Variants in DNAH5 observed in about 807,000 individuals in gnomAD.
The protein encoded by DNAH5 is axonemal beta dynein heavy chain 5.
Under a neutral mutation model 518.2 loss-of-function variants are expected in DNAH5, and 372 were observed. That is an observed-to-expected ratio of 0.72 (90% CI 0.66 to 0.78). The LOEUF (loss-of-function observed/expected upper bound fraction) is 0.78, where lower values mean the gene tolerates loss of function less well. DNAH5 is among the 30% of genes least tolerant of loss of function. The pLI is 0.00. For missense variants in DNAH5, 5,523 were observed against 5,687.0 expected (o/e 0.97, Z 0.93); for synonymous variants, 2,039 against 2,025.9 (o/e 1.01, Z -0.17).
At chr5:13,902,343 G>A (rs1328460458) in intron 12 of DNAH5, among the ~76,000 whole-genome samples, 1 of 152,202 alleles carries the variant, frequency 6.6e-6, no homozygotes, top group African/African-American at 2.4e-5. Context: ...ATGGGAGTTG[G>A]CGCCACGTCA....
rs369225476 is a variant in DNAH5, at chr5:13,807,678, A to C, written c.7800T>G (p.Ile2600Met). Residue 2600 changes from isoleucine to methionine, a missense_variant, in exon 47 of 79, where the codon ATT becomes ATG. This residue lies in a region of DNAH5 where 5,121 missense variants were observed against 5,223.3 expected (regional missense o/e 0.98). Coordinates refer to ENST00000265104, the MANE Select transcript of DNAH5 (RefSeq NM_001369.3). ...GATCATATTTTGACATAAATCCTTT[A>C]ATTATTACTGTTTTGGCTGTTCCTT... Reference protein sequence around the residue: ...GEQGTAKTVIIKGFMSKYDPE... With the variant: ...GEQGTAKTVIMKGFMSKYDPE... 4.8e-5 allele frequency: 78 copies of C among 1,610,410 alleles called. No homozygotes were observed. Among genetic ancestry groups the C allele is most frequent in the Non-Finnish European group, 6.4e-5 (75 of 1,177,640 alleles).
At chr5:13,874,280 G>A (rs1224539233) in intron 22 of DNAH5, among the ~76,000 whole-genome samples, 1 of 152,156 alleles carries the variant, frequency 6.6e-6, no homozygotes, top group Non-Finnish European at 1.5e-5. Flanking sequence ...AGAAGTTCCA[G>A]AATCCAGAGC....
At chr5:13,710,983 T>G (rs781689105) in intron 75 of DNAH5, among the ~76,000 whole-genome samples, 6 of 152,140 alleles carry the variant, frequency 3.9e-5, no homozygotes, top group Admixed American at 2.6e-4. Flanking sequence ...TTCTACAAGA[T>G]AGAGAAAGAA....
At chr5:13,812,524 T>C (rs1049608448) in intron 43 of DNAH5, among the ~76,000 whole-genome samples, 2 of 152,152 alleles carry the variant, frequency 1.3e-5, no homozygotes, top group Admixed American at 1.3e-4. Flanking sequence ...CAGGCTAGTC[T>C]CAAACTCCTT....
chr5:13,943,800 C>G (rs1779678352), intron 1 of DNAH5, among the ~76,000 whole-genome samples: 1 of 152,216 alleles, frequency 6.6e-6, no homozygotes, highest in Non-Finnish European at 1.5e-5. Flanking sequence ...CTAGAGAAAC[C>G]TCCAATTTCT....
Position 13,957,892 on chromosome 5 carries a change from A to T in DNAH5, c.13-26648T>A, listed in dbSNP as rs1780872496. On this transcript the variant is annotated intron_variant, in intron 1 of 78. Transcript: ENST00000681290. The stretch of plus-strand genomic sequence containing the variant: ...AAATCACCATAATATGAACACTATT[A>T]ACATATATTCTTCTACTCCATGAGC... 7.2e-5 allele frequency among the ~76,000 whole-genome samples: 11 copies of T among 151,786 alleles called. No individual in the cohort carries two copies. In the South Asian group the frequency reaches 2.1e-3, roughly 29 times the overall value.
chr5:13,699,640 G>A (rs551139135), intron 78 of DNAH5, among the ~76,000 whole-genome samples: 1 of 152,178 alleles, frequency 6.6e-6, no homozygotes, highest in Non-Finnish European at 1.5e-5. Context: ...CTTGAACTCA[G>A]GAGTTGGAGG....
intron 65 of DNAH5, among the ~76,000 whole-genome samples, chr5:13,743,141 C>T (rs1336408741): frequency 6.6e-6 from 1 of 151,948 alleles, no homozygotes; most frequent in Non-Finnish European, 1.5e-5. Context: ...CCATAAGTCT[C>T]CTTCCCACCA....
Position 13,911,491 on chromosome 5 carries a change from G to C in DNAH5, c.1539C>G (p.Gly513=). 1 of 1,609,126 alleles carries C rather than the reference G, an allele frequency of 6.2e-7. No individual in the cohort carries two copies. Among genetic ancestry groups the C allele is most frequent in the Non-Finnish European group, 8.5e-7 (1 of 1,175,994 alleles). The part of the protein sequence containing the change: ...GLEDMATKYQ[G]IVATIKKKEY... ...CCTTTTTCTTTATGGTTGCCACAAT[G>C]CCCTGAAATATTATGAGATAAATTA... is the stretch of plus-strand genomic sequence containing the variant. The change falls in exon 12 of 79, where the codon GGC becomes GGG. Residue 513 remains glycine, a splice_region_variant and synonymous_variant. Transcript: ENST00000265104.
intron 38 of DNAH5, among the ~76,000 whole-genome samples, chr5:13,829,225 T>G (rs1763310995): frequency 6.6e-6 from 1 of 152,196 alleles, no homozygotes; most frequent in South Asian, 2.1e-4. Context: ...ACAATGAATC[T>G]ATAAGTGGTA....
chr5:13,743,526 G>A (rs575965449), intron 65 of DNAH5, among the ~76,000 whole-genome samples: 1 of 152,034 alleles, frequency 6.6e-6, no homozygotes, highest in African/African-American at 2.4e-5. Flanking sequence ...TCAACAGAGT[G>A]AAAAGATAAC....
intron 47 of DNAH5, among the ~76,000 whole-genome samples, chr5:13,802,780 C>T (rs1224034638): frequency 1.3e-5 from 2 of 152,306 alleles, no homozygotes. Flanking sequence ...CATAACAGCT[C>T]TGACTAGGCT....
intron 51 of DNAH5, among the ~76,000 whole-genome samples, 175 bp from the exon 52 acceptor site, chr5:13,786,526 T>C (rs887751539): frequency 6.6e-6 from 1 of 152,230 alleles, no homozygotes; most frequent in African/African-American, 2.4e-5. Context: ...GTTAGGATTT[T>C]TGTGATCATA....
intron 52 of DNAH5, among the ~76,000 whole-genome samples, chr5:13,783,181 A>G (rs1365821770): frequency 6.6e-6 from 1 of 152,220 alleles, no homozygotes; most frequent in East Asian, 1.9e-4. Context: ...ACCTTTAAAG[A>G]AGGAGTGAGA....
intron 68 of DNAH5, among the ~76,000 whole-genome samples, chr5:13,730,220 G>A (rs1263218425): frequency 2.0e-5 from 3 of 152,144 alleles, no homozygotes; most frequent in Admixed American, 6.5e-5. Context: ...CAAAGCTCAT[G>A]TAACCCACGT....
chr5:13,845,293 A>G (rs1765827198), intron 31 of DNAH5, among the ~76,000 whole-genome samples: 1 of 151,686 alleles, frequency 6.6e-6, no homozygotes, highest in Non-Finnish European at 1.5e-5. Flanking sequence ...CTAGGTAGAG[A>G]GTCAGATAAA....
intron 74 of DNAH5, among the ~76,000 whole-genome samples, chr5:13,715,509 A>T (rs1744169471): frequency 6.6e-6 from 1 of 152,230 alleles, no homozygotes; most frequent in African/African-American, 2.4e-5. Flanking sequence ...TGAATTAATA[A>T]AAGTGCAGAG....
intron 35 of DNAH5, among the ~76,000 whole-genome samples, chr5:13,833,131 C>CAA (rs57578159): frequency 5.0e-5 from 7 of 140,274 alleles, no homozygotes; most frequent in African/African-American, 1.4e-4. Flanking sequence ...ATGTGTTATC[C>CAA]AAAAAAAAAA....
At chr5:13,982,851 T>C (rs1782787202) in intron 1 of DNAH5, among the ~76,000 whole-genome samples, 1 of 152,252 alleles carries the variant, frequency 6.6e-6, no homozygotes, top group South Asian at 2.1e-4. Flanking sequence ...GGCAAGGCCT[T>C]GTGGTGAGCT....
Sources: gnomAD v4.1 joint callset for allele counts (sites outside exome capture counted in the v4.1 genomes callset) on GRCh38, gnomAD v4.1.1 for gene constraint, gnomAD v4.1.1 regional missense constraint, MANE v1.5 for transcripts, NCBI Gene and HGNC (gene_info 2026-07-23, HGNC 2026-07-21) for gene names.